Variants in PTCH1 observed in about 807,000 individuals in gnomAD.
The protein encoded by PTCH1 is protein patched homolog 1.
A neutral mutation model predicts 144.6 loss-of-function variants in PTCH1; 14 were observed. That is an observed-to-expected ratio of 0.10 (90% CI 0.06 to 0.15). The LOEUF is 0.15. PTCH1 is among the 10% of genes least tolerant of loss of function. The probability of loss-of-function intolerance (pLI) is 1.00; values close to 1 mark genes in which losing one functional copy is unlikely to be tolerated. For synonymous variants in PTCH1, 833 were observed against 793.6 expected, an observed-to-expected ratio of 1.05 and a Z score of -0.83; for missense variants, 1,623 against 1,948.3, an observed-to-expected ratio of 0.83 and a Z score of 3.14.
chr9:95,506,070 G>A (rs1235701176), intron 2 of PTCH1, among the ~76,000 whole-genome samples: 2 of 147,868 alleles, frequency 1.4e-5, no homozygotes, highest in South Asian at 2.1e-4. Context: ...GGCGCCTCTC[G>A]GGGCGCGGCC....
Position 95,469,949 on chromosome 9 carries a change from A to G in PTCH1, c.1729-18T>C. Reference sequence around the variant, plus strand: ...ACCGCTGCCTGGGAGCAGAAAAAAAATTCAGAGGTCACCAACATGCCTCCG... The same window carrying G: ...ACCGCTGCCTGGGAGCAGAAAAAAAGTTCAGAGGTCACCAACATGCCTCCG... On this transcript the variant is annotated intron_variant, in intron 12 of 23. Coordinates refer to ENST00000331920, the MANE Select transcript of PTCH1 (RefSeq NM_000264.5). 1 of 1,580,984 alleles carries G rather than the reference A, an allele frequency of 6.3e-7. No individual in the cohort carries two copies. Among genetic ancestry groups the G allele is most frequent in the East Asian group, 2.2e-5 (1 of 44,750 alleles).
upstream of PTCH1, among the ~76,000 whole-genome samples, chr9:95,512,844 T>C (rs1844219447): frequency 2.0e-5 from 3 of 152,208 alleles, no homozygotes; most frequent in South Asian, 6.2e-4. Flanking sequence ...AGTGAGAACT[T>C]GGGGCCTTAT....
intron 16 of PTCH1, 96 bp downstream of exon 16, chr9:95,461,760 G>C (rs1008521808): frequency 6.5e-7 from 1 of 1,530,336 alleles, no homozygotes; most frequent in Non-Finnish European, 8.9e-7. Flanking sequence ...GGTCTCCAGA[G>C]AGCACAGGGT....
chr9:95,456,419 G>A lies in PTCH1; in HGVS notation c.3169-6C>T, dbSNP rs1588536035. The A allele has an allele frequency of 6.2e-7, 1 of 1,613,662 alleles. No homozygotes were observed. The highest frequency in any genetic ancestry group is 8.5e-7 in the Non-Finnish European group (1 of 1,179,940). ...ATCAGCGCCAGGACCATCACCTGGA[G>A]CAGGGCACACAGTGGTCAGTGGGCG... On this transcript the variant is annotated splice_region_variant and splice_polypyrimidine_tract_variant and intron_variant, in intron 18 of 23. Transcript: ENST00000331920.
In PTCH1 at chr9:95,442,988, G is replaced by A. The variant is rs1030841501; in HGVS notation, c.*3405C>T. The A allele has an allele frequency of 1.3e-5, 2 of 152,154 alleles. No individual in the cohort carries two copies. The highest frequency in any genetic ancestry group is 4.8e-5 in the African/African-American group (2 of 41,424). 9.4% of individuals were successfully genotyped at this position (152,154 alleles called of 1,614,324 possible). On this transcript the variant is annotated 3_prime_UTR_variant, in exon 24 of 24. Coordinates refer to ENST00000331920, the MANE Select transcript of PTCH1 (RefSeq NM_000264.5). ...ACCTTCACTGATGATAATCATCTTT[G>A]AATTTGGCTTTATTTATGTTCCCTC...
At chr9:95,497,195 A>G (rs1051150451) in intron 2 of PTCH1, among the ~76,000 whole-genome samples, 10 of 152,118 alleles carry the variant, frequency 6.6e-5, no homozygotes, top group African/African-American at 2.4e-4. Context: ...ATTTTTAAAA[A>G]CCCTGAGTGT....
rs1281897873 is a variant in PTCH1 at position 95,447,591 on chromosome 9, G to A, written c.3805-140C>T. Reference sequence around the variant, plus strand: ...CAATGGGGGCCTTCCACCCACAAAAGAAAAGCCTGTCCTTCTAATAACCTC... The same window carrying A: ...CAATGGGGGCCTTCCACCCACAAAAAAAAAGCCTGTCCTTCTAATAACCTC... On this transcript the variant is annotated intron_variant, in intron 22 of 23. Transcript: ENST00000331920. 2.5e-5 allele frequency: 22 copies of A among 880,846 alleles called. No homozygotes were observed. The Admixed American group carries it at 3.5e-4, about 14-fold the overall frequency. The allele number at this position is 880,846 out of a possible 1,614,324, so 54.6% of individuals were successfully genotyped here. A position where few individuals can be genotyped will look rare whatever the true frequency, so the allele number is the denominator to read the frequency against.
intron 2 of PTCH1, among the ~76,000 whole-genome samples, chr9:95,502,846 A>G (rs1843249390): frequency 6.6e-6 from 1 of 152,204 alleles, no homozygotes; most frequent in Non-Finnish European, 1.5e-5. Context: ...CCAGCATGTT[A>G]AACAAAGCAT....
At chr9:95,470,852 A>G (rs575447077) in intron 12 of PTCH1, among the ~76,000 whole-genome samples, 2 of 152,166 alleles carry the variant, frequency 1.3e-5, no homozygotes, top group African/African-American at 4.8e-5. Context: ...AGGTGGGTGG[A>G]TCACGGGGTC....
rs747471269 is a variant in PTCH1 at position 95,478,206 on chromosome 9, C to A, written c.1216-20G>T. 6.2e-7 allele frequency: 1 copy of A among 1,613,880 alleles called. No individual in the cohort carries two copies. The highest frequency in any genetic ancestry group is 8.5e-7 in the Non-Finnish European group (1 of 1,179,978). On this transcript the variant is annotated intron_variant, in intron 8 of 23. Transcript: ENST00000331920. Reference sequence around the variant, plus strand: ...AACCACCTGTGGTCACAACAGAATGCGAAATGCCCAAATGCAATGAACACT... The same window carrying A: ...AACCACCTGTGGTCACAACAGAATGAGAAATGCCCAAATGCAATGAACACT...
rs1422900915 is a variant in PTCH1 at position 95,509,153 on chromosome 9, T to C, written c.-792A>G. ...GGACCTGGGGACTCCGCTCTGTGTG[T>C]GTGCAGCGGGCAGCGGCCGCAGCAG... On this transcript the variant is annotated 5_prime_UTR_variant, in exon 1 of 24. Transcript: ENST00000331920. Among the ~76,000 whole-genome samples the C allele has an allele frequency of 6.6e-6, 1 of 151,314 alleles. No homozygotes were observed. Among genetic ancestry groups the C allele is most frequent in the Admixed American group, 6.6e-5 (1 of 15,196 alleles).
At chr9:95,479,759 C>T in intron 7 of PTCH1, 1 of 730,098 alleles carries the variant, frequency 1.4e-6, no homozygotes, top group Non-Finnish European at 2.3e-6. Context: ...ATGAAAACTA[C>T]AAATCCATTC....
intron 6 of PTCH1, 114 bp from the exon 7 acceptor site, chr9:95,480,204 G>C: frequency 6.4e-7 from 1 of 1,560,818 alleles, no homozygotes. Context: ...TAATAGCAAG[G>C]CTAATGGGAG....
Position 95,446,935 on chromosome 9 carries a change from G to T in PTCH1, c.4321C>A (p.Pro1441Thr). 6.2e-7 allele frequency: 1 copy of T among 1,614,104 alleles called. No homozygotes were observed. Among genetic ancestry groups the T allele is most frequent in the South Asian group, 1.1e-5 (1 of 91,074 alleles). Residue 1441 changes from proline to threonine, a missense_variant, in exon 23 of 24, where the codon CCC becomes ACC. By Grantham distance (38) the Pro-to-Thr change is conservative. Transcript: ENST00000331920. ...ELQDVECEER[P>T]RGSSSN ...CCTCAGTTGGAGCTGCTTCCCCGGG[G>T]CCTCTCCTCGCATTCCACGTCCTGC...
intron 5 of PTCH1, 82 bp downstream of exon 5, chr9:95,481,867 G>A (rs1237736163): frequency 2.4e-6 from 3 of 1,274,288 alleles, no homozygotes; most frequent in Admixed American, 3.5e-5. Flanking sequence ...AAACTGAAAT[G>A]GAACAAACAA....
At chr9:95,480,668 A>C (rs1382326489) in intron 5 of PTCH1, 80 bp from the exon 6 acceptor site, 6 of 1,429,974 alleles carry the variant, frequency 4.2e-6, no homozygotes, top group Non-Finnish European at 5.9e-6. Flanking sequence ...CGCCCACTGC[A>C]TCCACCTTGT....
intron 2 of PTCH1, among the ~76,000 whole-genome samples, chr9:95,487,448 C>A (rs534399621): frequency 6.6e-6 from 1 of 152,360 alleles, no homozygotes; most frequent in African/African-American, 2.4e-5. Context: ...CATCTACCTA[C>A]TCGGCTGGCC....
chr9:95,471,757 G>A (rs1039543960), intron 12 of PTCH1, among the ~76,000 whole-genome samples: 1 of 152,200 alleles, frequency 6.6e-6, no homozygotes, highest in Non-Finnish European at 1.5e-5. Context: ...ATGAAAAAGA[G>A]GGCCGGGCAC....
At chr9:95,485,037 C>T (rs1564061861) in intron 3 of PTCH1, among the ~76,000 whole-genome samples, 1 of 152,070 alleles carries the variant, frequency 6.6e-6, no homozygotes, top group East Asian at 1.9e-4. Context: ...GAAACCCCAT[C>T]TCTACTGAAA....
Sources: gnomAD v4.1 joint callset for allele counts (sites outside exome capture counted in the v4.1 genomes callset) on GRCh38, gnomAD v4.1.1 for gene constraint, MANE v1.5 for transcripts, NCBI Gene and HGNC (gene_info 2026-07-23, HGNC 2026-07-21) for gene names.